SLIT1: variants seen among roughly 807,000 people sequenced by gnomAD.
SLIT1 encodes slit homolog 1 protein.
In SLIT1, 66 loss-of-function variants were observed where a neutral mutation model predicts 186.1. The observed-to-expected ratio is 0.35, with a 90% CI of 0.29 to 0.44. The LOEUF is 0.44. SLIT1 is among the 20% of genes least tolerant of loss of function. The pLI is 1.00. For missense variants in SLIT1, 1,638 were observed against 2,037.4 expected, an observed-to-expected ratio of 0.80 and a Z score of 3.77; for synonymous variants, 761 against 833.8, an observed-to-expected ratio of 0.91 and a Z score of 1.50.
At chr10:97,157,513 G>T (rs768170541) in intron 4 of SLIT1, 1 of 374,868 alleles carries the variant, frequency 2.7e-6, no homozygotes, top group Non-Finnish European at 4.8e-6. Flanking sequence ...CCCTGTAAAG[G>T]CTGGCATCAC....
chr10:97,090,214 A>G (rs1849215520), intron 4 of SLIT1, among the ~76,000 whole-genome samples: 1 of 152,168 alleles, frequency 6.6e-6, no homozygotes, highest in African/African-American at 2.4e-5. Context: ...TGAAGGAAAC[A>G]GAACAGGAGC....
At position 97,184,965 on chromosome 10, in the gene SLIT1, A is replaced by G. The variant is rs1434824230; in HGVS notation, c.197+513T>C. On this transcript the variant is annotated intron_variant, in intron 1 of 36. Coordinates refer to ENST00000266058, the MANE Select transcript of SLIT1 (RefSeq NM_003061.3). The surrounding 1 kb of genome is among the most constrained non-coding windows in gnomAD (Gnocchi z 4.4). ...AATTCTCAAGGCTCTGGGGCAAACAATGGAGAAGAAGGGGCAGACCAGAAA... is the reference window on the plus strand; with the variant it reads ...AATTCTCAAGGCTCTGGGGCAAACAGTGGAGAAGAAGGGGCAGACCAGAAA... Among the ~76,000 whole-genome samples the G allele has an allele frequency of 6.6e-6, 1 of 152,202 alleles. No homozygotes were observed. The highest frequency in any genetic ancestry group is 6.5e-5 in the Admixed American group (1 of 15,290).
At chr10:97,149,936 G>A (rs1219740054) in intron 4 of SLIT1, among the ~76,000 whole-genome samples, 1 of 152,212 alleles carries the variant, frequency 6.6e-6, no homozygotes, top group Non-Finnish European at 1.5e-5. Context: ...TAAATGGGCT[G>A]AATAGTCCTT....
At chr10:97,002,434 G>C in intron 35 of SLIT1, 65 bp from the exon 36 acceptor site, 1 of 1,291,530 alleles carries the variant, frequency 7.7e-7, no homozygotes, top group Non-Finnish European at 1.1e-6. Context: ...GACACAGCCC[G>C]CCCCACCTGA....
At chr10:97,094,214 C>T (rs1443053207) in intron 4 of SLIT1, among the ~76,000 whole-genome samples, 2 of 152,242 alleles carry the variant, frequency 1.3e-5, no homozygotes, top group Admixed American at 6.5e-5. Flanking sequence ...AGAGCTCGTG[C>T]TGGAACCAGA....
intron 4 of SLIT1, among the ~76,000 whole-genome samples, chr10:97,091,767 C>T (rs1053675053): frequency 1.3e-5 from 2 of 152,182 alleles, no homozygotes; most frequent in African/African-American, 2.4e-5. Flanking sequence ...GCACAGAGCT[C>T]GTAGGAGCAC....
intron 1 of SLIT1, among the ~76,000 whole-genome samples, chr10:97,183,569 C>G (rs914884543): frequency 2.6e-5 from 4 of 152,168 alleles, no homozygotes; most frequent in Non-Finnish European, 5.9e-5. Flanking sequence ...GGGAACCAGG[C>G]AGTATAGCTC....
At chr10:97,032,801 C>T (rs1421162307) in intron 23 of SLIT1, among the ~76,000 whole-genome samples, 1 of 152,190 alleles carries the variant, frequency 6.6e-6, no homozygotes, top group Non-Finnish European at 1.5e-5. Flanking sequence ...CATGCCTGTA[C>T]AGTGGAACAC....
At chr10:97,125,553 A>G (rs970079872) in intron 4 of SLIT1, among the ~76,000 whole-genome samples, 1 of 146,472 alleles carries the variant, frequency 6.8e-6, no homozygotes, top group East Asian at 2.0e-4. Flanking sequence ...AAAAAAAAAA[A>G]GTAGGCCGGG....
intron 13 of SLIT1, among the ~76,000 whole-genome samples, chr10:97,054,361 C>T (rs1343635647): frequency 6.6e-6 from 1 of 151,932 alleles, no homozygotes; most frequent in African/African-American, 2.4e-5. Context: ...AGAAGCCAAG[C>T]AGATGTTGGT....
At position 96,999,139 on chromosome 10, in the gene SLIT1, A is replaced by G. The variant is rs1349086272; in HGVS notation, c.*1973T>C. 6.8e-6 allele frequency: 1 copy of G among 148,128 alleles called. No individual in the cohort carries two copies. Among genetic ancestry groups the G allele is most frequent in the African/African-American group, 2.5e-5 (1 of 40,750 alleles). 9.2% of individuals were successfully genotyped at this position (148,128 alleles called of 1,614,324 possible). A position where few individuals can be genotyped will look rare whatever the true frequency, so the allele number is the denominator to read the frequency against. On this transcript the variant is annotated 3_prime_UTR_variant, in exon 37 of 37. Coordinates refer to ENST00000266058, the MANE Select transcript of SLIT1 (RefSeq NM_003061.3). ...GCCTGGAAACTCAGAGAGGGATGCC[A>G]TGTGGGCCTGGGAGAAGCCCCATGA... is the stretch of plus-strand genomic sequence containing the variant.
chr10:97,062,598 G>A (rs546594479), intron 8 of SLIT1, among the ~76,000 whole-genome samples: 7 of 152,326 alleles, frequency 4.6e-5, no homozygotes, highest in Admixed American at 2.0e-4. Context: ...AGGAGGAGTC[G>A]GCAGGCAACA....
chr10:97,014,183 G>T (rs748525894), intron 28 of SLIT1, 25 bp from the exon 29 acceptor site: 2 of 1,611,372 alleles, frequency 1.2e-6, no homozygotes, highest in South Asian at 2.2e-5. Flanking sequence ...GGAGGATGGA[G>T]AGACAGCCCT....
At chr10:97,173,181 A>G (rs1850212878) in intron 1 of SLIT1, among the ~76,000 whole-genome samples, 1 of 152,184 alleles carries the variant, frequency 6.6e-6, no homozygotes, top group South Asian at 2.1e-4. Context: ...CTCAGGAGGA[A>G]AGAGGAAAGG....
intron 4 of SLIT1, among the ~76,000 whole-genome samples, chr10:97,122,207 G>A (rs571173371): frequency 6.6e-6 from 1 of 152,312 alleles, no homozygotes; most frequent in South Asian, 2.1e-4. Flanking sequence ...CTTGAGATGA[G>A]TACCAACAGG....
At chr10:97,052,125 G>A (rs527655034) in intron 13 of SLIT1, among the ~76,000 whole-genome samples, 13 of 135,822 alleles carry the variant, frequency 9.6e-5, no homozygotes, top group South Asian at 2.3e-4. Flanking sequence ...TTTTGGAGTC[G>A]GTCTCAGGCT....
chr10:97,113,859 T>C (rs1026756365), intron 4 of SLIT1, among the ~76,000 whole-genome samples: 1 of 152,158 alleles, frequency 6.6e-6, no homozygotes, highest in Non-Finnish European at 1.5e-5. Flanking sequence ...CTTTTAAGAT[T>C]TTTAAGGTGA....
At chr10:97,081,693 A>G (rs1381924335) in intron 4 of SLIT1, among the ~76,000 whole-genome samples, 3 of 152,216 alleles carry the variant, frequency 2.0e-5, no homozygotes. Flanking sequence ...CTTTCCAGGC[A>G]GGCAGAAACA....
chr10:97,092,749 C>T (rs563922796), intron 4 of SLIT1, among the ~76,000 whole-genome samples: 1 of 152,320 alleles, frequency 6.6e-6, no homozygotes, highest in African/African-American at 2.4e-5. Context: ...AAGAAATATG[C>T]CACCAGCTGG....
Sources: gnomAD v4.1 joint callset for allele counts (sites outside exome capture counted in the v4.1 genomes callset) on GRCh38, gnomAD v4.1.1 for gene constraint, Gnocchi (gnomAD v3.1) non-coding constraint, MANE v1.5 for transcripts, NCBI Gene and HGNC (gene_info 2026-07-23, HGNC 2026-07-21) for gene names.